The following XAGE5 variants were observed in gnomAD, a reference collection of about 807,000 sequenced individuals.
The protein encoded by XAGE5 is X antigen family member 5.
In XAGE5, 13 loss-of-function variants were observed where a neutral mutation model predicts 13.1. The observed-to-expected ratio is 0.99, with a 90% CI of 0.64 to 1.57. The LOEUF is 1.57. Ranked by LOEUF, XAGE5 falls within the 40% of genes most tolerant of loss-of-function variation. The pLI, the probability that XAGE5 is intolerant of heterozygous loss-of-function variation, is 0.00. For missense variants in XAGE5, 86 were observed against 77.6 expected (o/e 1.11, Z -0.41); for synonymous variants, 17 against 25.0 (o/e 0.68, Z 0.96).
At chrX:52,813,432 A>G (rs1488590487) in intron 4 of XAGE5, among the ~76,000 whole-genome samples, 187 bp downstream of exon 4, 1 of 112,602 alleles carries the variant, frequency 8.9e-6, no homozygotes, top group Non-Finnish European at 1.9e-5. Context: ...GTCCCTGGAT[A>G]TGATGAATCT....
chrX:52,813,653 A>G (rs1556777677), intron 4 of XAGE5, among the ~76,000 whole-genome samples: 1 of 111,668 alleles, frequency 9.0e-6, no homozygotes. Flanking sequence ...TCACCCTACC[A>G]TATAACATCC....
In XAGE5 at chrX:52,812,565, A is replaced by T; in HGVS notation, c.-2A>T. 1 of 1,210,669 alleles carries T rather than the reference A, an allele frequency of 8.3e-7. No homozygotes were observed. Among genetic ancestry groups the T allele is most frequent in the East Asian group, 3.0e-5 (1 of 33,826 alleles). The stretch of plus-strand genomic sequence containing the variant: ...CACACTATTCTGTTTGCAGACTGAA[A>T]TATGAGTTGGCGAGGAAGAAGATAT... On this transcript the variant is annotated 5_prime_UTR_variant, in exon 3 of 6. Coordinates refer to ENST00000375501, the MANE Select transcript of XAGE5 (RefSeq NM_001386970.1).
At chrX:52,814,240 A>T (rs1556777790) in intron 4 of XAGE5, 4 of 330,574 alleles carry the variant, frequency 1.2e-5, no homozygotes, top group South Asian at 1.0e-4. Flanking sequence ...ACAGGATAGC[A>T]ACTCCAGAAA....
rs1255912044 is a variant in XAGE5 at position 52,811,343 on chromosome X, T to A, written c.-250T>A. 2.7e-5 allele frequency among the ~76,000 whole-genome samples: 3 copies of A among 111,137 alleles called. No homozygotes were observed. The highest frequency in any genetic ancestry group is 9.8e-5 in the African/African-American group (3 of 30,508). ...GATCCTGCACTTCGGGTCCCTGAGG[T>A]CTGGATTCTTTCTCCCCTACTGAGA... is the stretch of plus-strand genomic sequence containing the variant. On this transcript the variant is annotated 5_prime_UTR_variant, in exon 1 of 6. Transcript: ENST00000375501.
chrX:52,815,049 T>A (rs1556777908), intron 4 of XAGE5, 43 bp from the exon 5 acceptor site: 1 of 1,205,672 alleles, frequency 8.3e-7, no homozygotes. Flanking sequence ...TTATTTATCA[T>A]TCTGGTTTGG....
At chrX:52,813,028 C>T (rs1357431209) in intron 3 of XAGE5, 112 bp from the exon 4 acceptor site, 2 of 573,285 alleles carry the variant, frequency 3.5e-6, no homozygotes, top group African/African-American at 4.5e-5. Context: ...TTTAAACATG[C>T]ATATGATCAG....
chrX:52,817,050 A>C (rs1346657906), intron 5 of XAGE5, among the ~76,000 whole-genome samples: 2 of 112,059 alleles, frequency 1.8e-5, no homozygotes, highest in African/African-American at 6.5e-5. Flanking sequence ...CATCCAGTAG[A>C]TTAAACAATC....
intron 4 of XAGE5, chrX:52,814,429 T>A (rs1466791366): frequency 1.4e-4 from 26 of 191,696 alleles, no homozygotes; most frequent in Non-Finnish European, 2.6e-4. Flanking sequence ...TAGAATAAGA[T>A]TATCGTGAAA....
intron 2 of XAGE5, chrX:52,812,253 A>C: frequency 4.2e-6 from 1 of 239,763 alleles, no homozygotes; most frequent in Non-Finnish European, 7.5e-6. Flanking sequence ...TCCAATCACA[A>C]TATTCTGGTT....
At chrX:52,815,770 G>A (rs1296184416) in intron 5 of XAGE5, among the ~76,000 whole-genome samples, 3 of 111,843 alleles carry the variant, frequency 2.7e-5, no homozygotes, top group Non-Finnish European at 5.6e-5. Context: ...TTATCATAAC[G>A]ATCAGCTTCA....
intron 4 of XAGE5, among the ~76,000 whole-genome samples, chrX:52,813,724 C>T (rs1333949354): frequency 4.5e-5 from 5 of 110,994 alleles, no homozygotes; most frequent in African/African-American, 9.8e-5. Context: ...AAACTGAGGC[C>T]GGGCGTGGTG....
chrX:52,814,488 G>A (rs2146528038), intron 4 of XAGE5: 1 of 192,123 alleles, frequency 5.2e-6, no homozygotes, highest in African/African-American at 2.9e-5. Flanking sequence ...ATCAGAGACA[G>A]AATTTGGGCC....
chrX:52,817,674 T>C lies in XAGE5; in HGVS notation c.305-517T>C, dbSNP rs35769869. On this transcript the variant is annotated intron_variant, in intron 5 of 5. Coordinates refer to ENST00000375501, the MANE Select transcript of XAGE5 (RefSeq NM_001386970.1). ...CTGGTCTTTCTATTCATTCCACTTA[T>C]GTATTTCCTAATGTGACATTAACTG... Among the ~76,000 whole-genome samples the C allele has an allele frequency of 5.4e-3, 602 of 112,444 alleles. 1 individual carries two copies. Among genetic ancestry groups the C allele is most frequent in the Non-Finnish European group, 9.4e-3 (500 of 53,265 alleles).
At chrX:52,813,815 C>G (rs1926851162) in intron 4 of XAGE5, among the ~76,000 whole-genome samples, 1 of 111,301 alleles carries the variant, frequency 9.0e-6, no homozygotes, top group East Asian at 2.8e-4. Context: ...CCACTGTGGC[C>G]AATGTGGTGA....
chrX:52,816,587 C>T (rs1926910295), intron 5 of XAGE5, among the ~76,000 whole-genome samples: 2 of 112,368 alleles, frequency 1.8e-5, no homozygotes, highest in South Asian at 7.3e-4. Flanking sequence ...AAGACTATAA[C>T]GTACTAAGTC....
At chrX:52,811,477 G>A (rs1272207469) in intron 1 of XAGE5, among the ~76,000 whole-genome samples, 65 bp downstream of exon 1, 1 of 111,476 alleles carries the variant, frequency 9.0e-6, no homozygotes, top group African/African-American at 3.3e-5. Context: ...TGGTGACTCC[G>A]AGTGAGAAGG....
intron 5 of XAGE5, among the ~76,000 whole-genome samples, chrX:52,815,672 A>G (rs1343124492): frequency 1.8e-5 from 2 of 112,655 alleles, no homozygotes; most frequent in Non-Finnish European, 3.7e-5. Context: ...TGCACATCAG[A>G]TAGATTAAAA....
Position 52,812,686 on chromosome X carries a change from G to C in XAGE5, c.72+48G>C, listed in dbSNP as rs1556777530. 5 of 1,125,485 alleles carry C rather than the reference G, an allele frequency of 4.4e-6. No individual in the cohort carries two copies. In the South Asian group the frequency reaches 7.4e-5, roughly 17 times the overall value. 92.8% of individuals were successfully genotyped at this position (1,125,485 alleles called of 1,213,427 possible). ...TTTTTCTACTAGCAGAAATTTTTTT[G>C]TGTGGTAGTTATTGTTGAACTAGTA... On this transcript the variant is annotated intron_variant, in intron 3 of 5. Coordinates refer to ENST00000375501, the MANE Select transcript of XAGE5 (RefSeq NM_001386970.1).
intron 4 of XAGE5, chrX:52,814,343 AG>A (rs1311865601): frequency 1.8e-5 from 5 of 284,948 alleles, no homozygotes; most frequent in Non-Finnish European, 3.4e-5. Flanking sequence ...GTTGGCGTGC[AG>A]GTAACTGTGT....
Sources: gnomAD v4.1 joint callset for allele counts (sites outside exome capture counted in the v4.1 genomes callset) on GRCh38, gnomAD v4.1.1 for gene constraint, MANE v1.5 for transcripts, NCBI Gene and HGNC (gene_info 2026-07-23, HGNC 2026-07-21) for gene names.